The following MAP3K1 variants were observed in gnomAD, a reference collection of about 807,000 sequenced individuals.
MAP3K1 encodes the protein mitogen-activated protein kinase kinase kinase 1.
Under a neutral mutation model 144.2 loss-of-function variants are expected in MAP3K1, and 36 were observed. The ratio of observed to expected loss-of-function variants is 0.25; its 90% CI spans 0.19 to 0.33. The LOEUF (loss-of-function observed/expected upper bound fraction) is 0.33. Ranked by LOEUF, MAP3K1 falls within the 10% of genes least tolerant of loss-of-function variation. The pLI is 1.00. For synonymous variants in MAP3K1, 718 were observed against 688.7 expected (o/e 1.04, Z -0.67); for missense variants, 1,650 against 1,881.9 (o/e 0.88, Z 2.28).
chr5:56,877,479 T>G lies in MAP3K1; in HGVS notation c.1966-1501T>G, dbSNP rs184016753. On this transcript the variant is annotated intron_variant, in intron 10 of 19. Coordinates refer to ENST00000399503, the MANE Select transcript of MAP3K1 (RefSeq NM_005921.2). ...CCCTTTCTCTTATCTCCCCTTCCTC[T>G]GTCTCTTCCTTTTTTTCCTCTCCCT... 2.5e-3 allele frequency among the ~76,000 whole-genome samples: 377 copies of G among 151,632 alleles called. 2 individuals are homozygous for G. Among genetic ancestry groups the G allele is most frequent in the African/African-American group, 8.5e-3 (353 of 41,318 alleles).
At chr5:56,824,556 T>C (rs1325289419) in intron 1 of MAP3K1, among the ~76,000 whole-genome samples, 1 of 152,222 alleles carries the variant, frequency 6.6e-6, no homozygotes, top group Non-Finnish European at 1.5e-5. Flanking sequence ...GGGGGCCACC[T>C]AGCATTGGTA....
At chr5:56,861,584 A>AT (rs1747513798) in intron 3 of MAP3K1, among the ~76,000 whole-genome samples, 1 of 76,164 alleles carries the variant, frequency 1.3e-5, no homozygotes, top group South Asian at 3.9e-4. Context: ...AAAAAAAAAA[A>AT]AAAAAAGGGG....
intron 6 of MAP3K1, among the ~76,000 whole-genome samples, chr5:56,867,103 A>G (rs1475514184): frequency 6.6e-6 from 1 of 152,214 alleles, no homozygotes; most frequent in Non-Finnish European, 1.5e-5. Flanking sequence ...AAGTGCTGGG[A>G]TTACAAGTGT....
intron 3 of MAP3K1, among the ~76,000 whole-genome samples, chr5:56,861,593 G>GGGT: frequency 6.7e-6 from 1 of 149,116 alleles, no homozygotes; most frequent in Admixed American, 6.7e-5. Context: ...AAAAAAAAGG[G>GGGT]GCTATTAAAA....
At position 56,882,663 on chromosome 5, in the gene MAP3K1, G is replaced by A. The variant is rs2111947687; in HGVS notation, c.3463G>A (p.Val1155Ile). Residue 1155 changes from valine to isoleucine, a missense_variant, in exon 14 of 20, where the codon GTC (valine) becomes ATC (isoleucine). Val to Ile is a conservative substitution (Grantham distance 29). Coordinates refer to ENST00000399503, the MANE Select transcript of MAP3K1 (RefSeq NM_005921.2). ...AGTAACTTTTAAGTCAGAAGTTGCT[G>A]TCCTGTCTCCTGAAAAGGCTGAAAA... is the stretch of plus-strand genomic sequence containing the variant. ...TTVTFKSEVA[V>I]LSPEKAENDD... 6.2e-7 allele frequency: 1 copy of A among 1,614,100 alleles called. No homozygotes were observed. Among genetic ancestry groups the A allele is most frequent in the East Asian group, 2.2e-5 (1 of 44,864 alleles).
chr5:56,860,956 C>A (rs1747490546), intron 3 of MAP3K1, among the ~76,000 whole-genome samples: 1 of 152,182 alleles, frequency 6.6e-6, no homozygotes, highest in Non-Finnish European at 1.5e-5. Context: ...CTACTATCCA[C>A]CACTATGAGC....
At chr5:56,816,145 G>A (rs1466976237) in intron 1 of MAP3K1, 90 bp downstream of exon 1, 1 of 1,136,496 alleles carries the variant, frequency 8.8e-7, no homozygotes, top group Non-Finnish European at 1.1e-6. Flanking sequence ...GGCGTCCCGG[G>A]GTTCAGCGCA....
chr5:56,839,949 G>A (rs1041156560), intron 1 of MAP3K1, among the ~76,000 whole-genome samples: 1 of 152,110 alleles, frequency 6.6e-6, no homozygotes, highest in African/African-American at 2.4e-5. Flanking sequence ...CATTTTTTCA[G>A]TGTTTAGTGT....
At chr5:56,831,432 G>A (rs1024755808) in intron 1 of MAP3K1, among the ~76,000 whole-genome samples, 1 of 152,020 alleles carries the variant, frequency 6.6e-6, no homozygotes, top group Non-Finnish European at 1.5e-5. Flanking sequence ...TATGAGAGAC[G>A]AAGACAGACC....
chr5:56,855,602 C>A (rs996088502), intron 1 of MAP3K1, among the ~76,000 whole-genome samples: 1 of 152,046 alleles, frequency 6.6e-6, no homozygotes, highest in Non-Finnish European at 1.5e-5. Flanking sequence ...CTCTGAAGAT[C>A]GTACTTCATA....
At chr5:56,843,075 G>T (rs970162158) in intron 1 of MAP3K1, among the ~76,000 whole-genome samples, 2 of 152,150 alleles carry the variant, frequency 1.3e-5, no homozygotes, top group African/African-American at 4.8e-5. Context: ...GATGCAACAC[G>T]TTTCCTCATG....
intron 1 of MAP3K1, among the ~76,000 whole-genome samples, chr5:56,836,065 A>G (rs1350850321): frequency 1.3e-5 from 2 of 152,190 alleles, no homozygotes; most frequent in Non-Finnish European, 2.9e-5. Flanking sequence ...CAGAGAGATA[A>G]TATTCTAACA....
intron 6 of MAP3K1, among the ~76,000 whole-genome samples, chr5:56,867,869 A>G (rs920962135): frequency 6.6e-6 from 1 of 152,208 alleles, no homozygotes; most frequent in African/African-American, 2.4e-5. Flanking sequence ...CAGCAATTGA[A>G]TGATTAAATT....
At chr5:56,844,640 A>T (rs565234942) in intron 1 of MAP3K1, among the ~76,000 whole-genome samples, 89 of 152,246 alleles carry the variant, frequency 5.8e-4, no homozygotes, top group Non-Finnish European at 1.5e-5. Flanking sequence ...AGATCACTCC[A>T]CCTTCGCAAC....
intron 1 of MAP3K1, among the ~76,000 whole-genome samples, chr5:56,845,995 C>T (rs1052982125): frequency 6.6e-6 from 1 of 152,208 alleles, no homozygotes; most frequent in African/African-American, 2.4e-5. Flanking sequence ...AGTACTGTTA[C>T]AAAGCTGATT....
chr5:56,825,308 C>T (rs905165790), intron 1 of MAP3K1, among the ~76,000 whole-genome samples: 7 of 152,122 alleles, frequency 4.6e-5, no homozygotes, highest in African/African-American at 9.7e-5. Flanking sequence ...CCACCATGCC[C>T]GGCCAGGTCT....
intron 19 of MAP3K1, among the ~76,000 whole-genome samples, chr5:56,891,019 C>T (rs1748533097): frequency 6.6e-6 from 1 of 152,080 alleles, no homozygotes. Flanking sequence ...GCACTTCAGC[C>T]TGGGTGACAG....
At chr5:56,865,204 A>G in intron 4 of MAP3K1, 136 bp from the exon 5 acceptor site, 1 of 659,332 alleles carries the variant, frequency 1.5e-6, no homozygotes, top group Non-Finnish European at 2.7e-6. Context: ...TTTTTCTTAT[A>G]TACAAAGATA....
intron 19 of MAP3K1, 128 bp from the exon 20 acceptor site, chr5:56,893,403 C>G: frequency 1.0e-6 from 1 of 963,554 alleles, no homozygotes; most frequent in South Asian, 1.4e-5. Context: ...GCAGAAAATC[C>G]TCCCACTTCT....
Sources: gnomAD v4.1 joint callset for allele counts (sites outside exome capture counted in the v4.1 genomes callset) on GRCh38, gnomAD v4.1.1 for gene constraint, MANE v1.5 for transcripts, NCBI Gene and HGNC (gene_info 2026-07-23, HGNC 2026-07-21) for gene names.